NAV2: variants seen among roughly 807,000 people sequenced by gnomAD.
NAV2 encodes helicase, APC down-regulated 1.
In NAV2, 54 loss-of-function variants were observed where a neutral mutation model predicts 223.2. That is an observed-to-expected ratio of 0.24 (90% CI 0.19 to 0.30). The LOEUF (loss-of-function observed/expected upper bound fraction) is 0.30. NAV2 is among the 10% of genes least tolerant of loss of function. NAV2 has a pLI of 1.00. For missense variants in NAV2, 2,806 were observed against 3,147.5 expected, an observed-to-expected ratio of 0.89 and a Z score of 2.60; for synonymous variants, 1,279 against 1,239.3, an observed-to-expected ratio of 1.03 and a Z score of -0.67.
At chr11:19,483,352 C>T (rs952147137) in intron 1 of NAV2, among the ~76,000 whole-genome samples, 66 of 152,202 alleles carry the variant, frequency 4.3e-4, no homozygotes, top group African/African-American at 1.6e-3. Flanking sequence ...GCCACCCACC[C>T]ATTGGTCACT....
chr11:20,008,688 C>T (rs2053297986), intron 11 of NAV2, among the ~76,000 whole-genome samples: 1 of 151,022 alleles, frequency 6.6e-6, no homozygotes, highest in Non-Finnish European at 1.5e-5. Flanking sequence ...TTTTCTGTTG[C>T]TTGTGTCTTT....
chr11:20,037,620 G>A (rs1014817654), intron 12 of NAV2, among the ~76,000 whole-genome samples: 1 of 152,190 alleles, frequency 6.6e-6, no homozygotes, highest in Admixed American at 6.5e-5. Flanking sequence ...GTAATGCTCT[G>A]TATGTTAATC....
chr11:20,047,988 T>C (rs990639732), intron 14 of NAV2, among the ~76,000 whole-genome samples: 1 of 152,152 alleles, frequency 6.6e-6, no homozygotes, highest in African/African-American at 2.4e-5. Flanking sequence ...TGTCATTCCT[T>C]GTAGTCTGAT....
intron 1 of NAV2, among the ~76,000 whole-genome samples, chr11:19,362,845 T>C (rs1245873084): frequency 1.3e-5 from 2 of 152,234 alleles, no homozygotes; most frequent in African/African-American, 4.8e-5. Flanking sequence ...TGACACCTAC[T>C]AAGTACTATG....
chr11:19,774,664 C>T (rs1464809124), intron 1 of NAV2, among the ~76,000 whole-genome samples: 1 of 152,196 alleles, frequency 6.6e-6, no homozygotes, highest in Non-Finnish European at 1.5e-5. Context: ...TGATTCTCAA[C>T]ACCCTCGGCA....
At chr11:19,957,376 A>C (rs2047964765) in intron 10 of NAV2, among the ~76,000 whole-genome samples, 1 of 152,180 alleles carries the variant, frequency 6.6e-6, no homozygotes, top group South Asian at 2.1e-4. Flanking sequence ...TCTTTTCCTA[A>C]GCAGCTCTCT....
At position 19,406,519 on chromosome 11, in the gene NAV2, A is replaced by C. The variant is rs75829095; in HGVS notation, c.75+55492A>C. ...CCGAGGCCATGGCTGTCTCTCCTCC[A>C]GGCTGGGCTTCTCAGAAGCTTGCTG... On this transcript the variant is annotated intron_variant, in intron 1 of 37. Coordinates refer to the NAV2 transcript ENST00000360655. 1.6e-3 allele frequency among the ~76,000 whole-genome samples: 243 copies of C among 152,270 alleles called. 6 individuals carry two copies. The East Asian group carries it at 0.045, about 28-fold the overall frequency.
chr11:20,091,825 C>CCTCT (rs1454616429), intron 27 of NAV2, among the ~76,000 whole-genome samples: 1 of 152,152 alleles, frequency 6.6e-6, no homozygotes, highest in East Asian at 1.9e-4. Flanking sequence ...ACACCATGTG[C>CCTCT]CTCTGTTCAA....
chr11:20,042,531 G>T (rs1747323098), intron 12 of NAV2, among the ~76,000 whole-genome samples: 1 of 152,172 alleles, frequency 6.6e-6, no homozygotes, highest in South Asian at 2.1e-4. Flanking sequence ...AACTCATAAG[G>T]TGTCTGTAAT....
chr11:19,929,919 G>T (rs2045164058), intron 6 of NAV2, among the ~76,000 whole-genome samples: 1 of 152,166 alleles, frequency 6.6e-6, no homozygotes, highest in Non-Finnish European at 1.5e-5. Flanking sequence ...CCTCCAGGAA[G>T]TTTTCCCAAA....
intron 30 of NAV2, among the ~76,000 whole-genome samples, chr11:20,096,553 T>C (rs1014867543): frequency 2.0e-5 from 3 of 152,234 alleles, no homozygotes; most frequent in Admixed American, 6.5e-5. Context: ...GGTTGGGCAC[T>C]TTTTCAAGGT....
intron 1 of NAV2, among the ~76,000 whole-genome samples, chr11:19,521,533 C>T (rs2043654890): frequency 1.3e-5 from 2 of 152,224 alleles, no homozygotes; most frequent in African/African-American, 2.4e-5. Flanking sequence ...AGAAAATTCT[C>T]ACGCCCTGTG....
chr11:19,376,847 G>T (rs1848657591), intron 1 of NAV2, among the ~76,000 whole-genome samples: 1 of 152,352 alleles, frequency 6.6e-6, no homozygotes, highest in South Asian at 2.1e-4. Flanking sequence ...CTGGAGCCAA[G>T]TCTGGATGTG....
At chr11:19,380,527 T>C (rs1256059298) in intron 1 of NAV2, 3 of 152,248 alleles carry the variant, frequency 2.0e-5, no homozygotes, top group Non-Finnish European at 2.9e-5. Context: ...TCCGGGGATC[T>C]TCCATGACAT....
chr11:19,930,509 C>A (rs1354547009), intron 6 of NAV2, among the ~76,000 whole-genome samples: 2 of 152,098 alleles, frequency 1.3e-5, no homozygotes, highest in Admixed American at 1.3e-4. Context: ...CTAAGACCCC[C>A]GTCCTTTTCT....
At chr11:19,673,816 G>T (rs1362509709) in intron 1 of NAV2, among the ~76,000 whole-genome samples, 1 of 152,188 alleles carries the variant, frequency 6.6e-6, no homozygotes, top group Non-Finnish European at 1.5e-5. Flanking sequence ...CTCAGGGGCA[G>T]GGTCCCAGGA....
At chr11:19,800,672 G>GGTGTGTGT (rs142402876) in intron 1 of NAV2, among the ~76,000 whole-genome samples, 6,164 of 145,850 alleles carry the variant, frequency 0.042, 139 homozygotes, top group South Asian at 0.068. Flanking sequence ...AAGGAGAATG[G>GGTGTGTGT]GTGTGTGTGT....
At chr11:19,605,409 C>T (rs114985108) in intron 1 of NAV2, among the ~76,000 whole-genome samples, 366 of 152,116 alleles carry the variant, frequency 2.4e-3, no homozygotes, top group African/African-American at 8.3e-3. Context: ...GTGTATTTAC[C>T]GTTTCCTCTT....
chr11:19,621,712 G>A (rs562056691), intron 1 of NAV2, among the ~76,000 whole-genome samples: 1 of 152,032 alleles, frequency 6.6e-6, no homozygotes, highest in East Asian at 1.9e-4. Context: ...ATCAGCTCCT[G>A]GATTCATTGA....
Sources: gnomAD v4.1 joint callset for allele counts (sites outside exome capture counted in the v4.1 genomes callset) on GRCh38, gnomAD v4.1.1 for gene constraint, MANE v1.5 for transcripts, NCBI Gene and HGNC (gene_info 2026-07-23, HGNC 2026-07-21) for gene names.